The following HS6ST2 variants were observed in gnomAD, a reference collection of about 807,000 sequenced individuals.
HS6ST2 encodes heparan sulfate 6-O-sulfotransferase 2.
In HS6ST2, 17 loss-of-function variants were observed where a neutral mutation model predicts 33.0. The ratio of observed to expected loss-of-function variants is 0.52; its 90% CI spans 0.35 to 0.77. HS6ST2 has a LOEUF of 0.77. HS6ST2 is among the 30% of genes least tolerant of loss of function. The probability of loss-of-function intolerance (pLI) is 0.01; values close to 1 mark genes in which losing one functional copy is unlikely to be tolerated. For synonymous variants in HS6ST2, 248 were observed against 237.1 expected (o/e 1.05, Z -0.42); for missense variants, 519 against 551.7 (o/e 0.94, Z 0.59).
intron 2 of HS6ST2, among the ~76,000 whole-genome samples, chrX:132,909,349 T>A (rs939593470): frequency 8.9e-6 from 1 of 112,145 alleles, no homozygotes; most frequent in Non-Finnish European, 1.9e-5. Flanking sequence ...ACAGAGGTTT[T>A]TCAACTGTCA....
chrX:132,952,897 C>A (rs368874487), intron 2 of HS6ST2, among the ~76,000 whole-genome samples: 1 of 111,129 alleles, frequency 9.0e-6, no homozygotes, highest in East Asian at 2.8e-4. Context: ...GTGGTACCCC[C>A]GGCCCAATCA....
At chrX:132,935,490 A>G (rs2066814226) in intron 2 of HS6ST2, among the ~76,000 whole-genome samples, 2 of 112,011 alleles carry the variant, frequency 1.8e-5, no homozygotes, top group Admixed American at 9.5e-5. Flanking sequence ...CAGCCTCCAG[A>G]GTAGCTGGGA....
At chrX:132,867,689 C>T (rs2066004915) in intron 2 of HS6ST2, among the ~76,000 whole-genome samples, 1 of 111,545 alleles carries the variant, frequency 9.0e-6, no homozygotes, top group South Asian at 3.8e-4. Context: ...CGAAACTGAG[C>T]TTCATAAGCA....
chrX:132,762,474 A>C (rs759266308), intron 2 of HS6ST2, among the ~76,000 whole-genome samples: 19 of 112,575 alleles, frequency 1.7e-4, no homozygotes, highest in African/African-American at 5.8e-4. Context: ...CCTTTTCAGA[A>C]ATAGGTGGGG....
chrX:132,958,273 G>A lies in HS6ST2; in HGVS notation c.330C>T (p.Leu110=). The change falls in exon 1 of 5, where the codon CTC becomes CTT. Residue 110 remains leucine (L), a synonymous_variant. Coordinates refer to ENST00000370833, the MANE Select transcript of HS6ST2 (RefSeq NM_001394073.1). ...GGCCCCGAGTGAGCAGGGCCCGGCA[G>A]AGGGAGCCCAGGTCCCAGCGTCGCC... The part of the protein sequence containing the change: ...VLRRRWDLGS[L]CRALLTRGLA... 1.7e-6 allele frequency: 2 copies of A among 1,191,392 alleles called. No individual in the cohort carries two copies. The highest frequency in any genetic ancestry group is 2.2e-6 in the Non-Finnish European group (2 of 890,606).
intron 2 of HS6ST2, among the ~76,000 whole-genome samples, chrX:132,791,475 T>C (rs964787054): frequency 8.9e-6 from 1 of 111,976 alleles, no homozygotes; most frequent in African/African-American, 3.2e-5. Context: ...TATGAGCTTA[T>C]TGATGAGGCT....
intron 3 of HS6ST2, among the ~76,000 whole-genome samples, chrX:132,695,549 G>GGGAA (rs1158893161): frequency 1.8e-5 from 2 of 111,330 alleles, no homozygotes; most frequent in African/African-American, 6.5e-5. Context: ...TATTATTTTG[G>GGGAA]GGAAGGCTGA....
intron 3 of HS6ST2, among the ~76,000 whole-genome samples, chrX:132,701,036 CTAAGAAT>C (rs1214074232): frequency 9.0e-6 from 1 of 111,676 alleles, no homozygotes; most frequent in Non-Finnish European, 1.9e-5. Context: ...AAACGTAGCG[CTAAGAAT>C]TAAACGGCAA....
intron 2 of HS6ST2, among the ~76,000 whole-genome samples, chrX:132,712,976 G>T (rs2064244222): frequency 1.8e-5 from 2 of 111,356 alleles, no homozygotes; most frequent in South Asian, 7.8e-4. Context: ...AGTAAGCCGA[G>T]ATTATGCCAC....
intron 2 of HS6ST2, among the ~76,000 whole-genome samples, chrX:132,780,761 T>C (rs749764075): frequency 2.6e-4 from 29 of 111,640 alleles, no homozygotes; most frequent in African/African-American, 8.1e-4. Context: ...TGACAATGAA[T>C]ATTCCCCTTA....
intron 2 of HS6ST2, among the ~76,000 whole-genome samples, chrX:132,722,156 C>T (rs1385244228): frequency 1.0e-5 from 1 of 95,486 alleles, no homozygotes; most frequent in Non-Finnish European, 2.0e-5. Flanking sequence ...CCACTGCACT[C>T]CAACCTGGGA....
chrX:132,821,158 G>T (rs984541636), intron 2 of HS6ST2, among the ~76,000 whole-genome samples: 16 of 107,411 alleles, frequency 1.5e-4, no homozygotes, highest in African/African-American at 5.1e-4. Context: ...ATCATCAAAA[G>T]CAGTTTTTCC....
At chrX:132,724,623 T>C (rs1349842961) in intron 2 of HS6ST2, among the ~76,000 whole-genome samples, 1 of 111,669 alleles carries the variant, frequency 9.0e-6, no homozygotes, top group East Asian at 2.8e-4. Flanking sequence ...AAAATAACAG[T>C]GATATCCTTC....
chrX:132,960,967 T>C (rs571573130), upstream of HS6ST2, among the ~76,000 whole-genome samples: 4 of 109,994 alleles, frequency 3.6e-5, no homozygotes, highest in South Asian at 1.6e-3. Context: ...CCAAGAGCCA[T>C]GTTCTCCCGA....
rs1489922829 is a variant in HS6ST2, at chrX:132,958,537, G to T, written c.66C>A (p.Pro22=). 1 of 1,184,733 alleles carries T rather than the reference G, an allele frequency of 8.4e-7. No individual in the cohort carries two copies. The highest frequency in any genetic ancestry group is 1.9e-5 in the South Asian group (1 of 53,890). The change falls in exon 1 of 5, where the codon CCC becomes CCA. Residue 22 remains proline (P), a synonymous_variant. Transcript: ENST00000370833. ...GCCGGCGGGGACAGGTGGTGCGGACGGGCGCTCCTCGCTCCGGTTGCCGCG... is the reference window on the plus strand; with the variant it reads ...GCCGGCGGGGACAGGTGGTGCGGACTGGCGCTCCTCGCTCCGGTTGCCGCG... The part of the protein sequence containing the change: ...EPPRQPERGA[P]VRTTCPRRHS...
intron 2 of HS6ST2, among the ~76,000 whole-genome samples, chrX:132,716,502 T>A (rs1263184965): frequency 8.9e-6 from 1 of 112,018 alleles, no homozygotes; most frequent in Non-Finnish European, 1.9e-5. Flanking sequence ...CTAGTTGAGT[T>A]ATAAAAAAAA....
chrX:132,629,056 A>C lies in HS6ST2; in HGVS notation c.1105T>G (p.Ser369Ala). Residue 369 changes from serine to alanine, a missense_variant, in exon 5 of 5, where the codon TCC becomes GCC. By Grantham distance (99) the Ser-to-Ala change is moderately conservative. Transcript: ENST00000370833. ...HYITILRDPVSRYLSEWRHVQ... is the reference protein window; with the variant it reads ...HYITILRDPVARYLSEWRHVQ... Reference sequence around the variant, plus strand: ...TGCCTCCACTCACTCAAGTACCGGGACACTGGGTCTCGGAGGATGGTGATG... The same window carrying C: ...TGCCTCCACTCACTCAAGTACCGGGCCACTGGGTCTCGGAGGATGGTGATG... 1 of 1,201,716 alleles carries C rather than the reference A, an allele frequency of 8.3e-7. No individual in the cohort carries two copies. The highest frequency in any genetic ancestry group is 1.1e-6 in the Non-Finnish European group (1 of 889,918).
chrX:132,925,197 T>C lies in HS6ST2; in HGVS notation c.947+31611A>G, dbSNP rs778775526. ...AGACAGGGTTTAGAATGCTTCCATA[T>C]TGGTGAACACATGGAGGTGACAAGA... On this transcript the variant is annotated intron_variant, in intron 2 of 4. Transcript: ENST00000370833. 8.0e-5 allele frequency among the ~76,000 whole-genome samples: 9 copies of C among 112,195 alleles called. No individual in the cohort carries two copies. In the East Asian group the frequency reaches 1.4e-3, roughly 17 times the overall value.
intron 3 of HS6ST2, among the ~76,000 whole-genome samples, chrX:132,675,458 G>C (rs1381078089): frequency 2.7e-5 from 3 of 111,867 alleles, no homozygotes; most frequent in Non-Finnish European, 5.6e-5. Context: ...GTTATGTAGA[G>C]ATTAATGCTA....
Sources: gnomAD v4.1 joint callset for allele counts (sites outside exome capture counted in the v4.1 genomes callset) on GRCh38, gnomAD v4.1.1 for gene constraint, MANE v1.5 for transcripts, NCBI Gene and HGNC (gene_info 2026-07-23, HGNC 2026-07-21) for gene names.